The following TM4SF1 variants were observed in gnomAD, a reference collection of about 807,000 sequenced individuals.
TM4SF1 encodes the protein transmembrane 4 L six family member 1, also known as transmembrane 4 L6 family member 1.
A neutral mutation model predicts 24.5 loss-of-function variants in TM4SF1; 20 were observed. The ratio of observed to expected loss-of-function variants is 0.82; its 90% CI spans 0.57 to 1.19. The LOEUF is 1.19. TM4SF1 is among the 50% of genes most tolerant of loss of function. TM4SF1 has a pLI of 0.00. For missense variants in TM4SF1, 258 were observed against 248.1 expected, an observed-to-expected ratio of 1.04 and a Z score of -0.27; for synonymous variants, 107 against 95.4, an observed-to-expected ratio of 1.12 and a Z score of -0.71.
At position 149,377,519 on chromosome 3, in the gene TM4SF1, A is replaced by G; in HGVS notation, c.29T>C (p.Ile10Thr). 1 of 1,613,974 alleles carries G rather than the reference A, an allele frequency of 6.2e-7. No homozygotes were observed. Among genetic ancestry groups the G allele is most frequent in the African/African-American group, 1.3e-5 (1 of 75,038 alleles). Residue 10 changes from isoleucine to threonine, a missense_variant, in exon 1 of 5, where the codon ATC (isoleucine) becomes ACC (threonine). Coordinates refer to ENST00000305366, the MANE Select transcript of TM4SF1 (RefSeq NM_014220.3). ...GGCGAGCCCCACCAGAGAATGTCCG[A>G]TGCATCGTGCACACTTCCCATAGCA... is the stretch of plus-strand genomic sequence containing the variant. MCYGKCARC[I>T]GHSLVGLALL... is the part of the protein sequence containing the mutation.
Position 149,377,628 on chromosome 3 carries a change from G to C in TM4SF1, c.-81C>G. 6.5e-7 allele frequency: 1 copy of C among 1,527,830 alleles called. No homozygotes were observed. Among genetic ancestry groups the C allele is most frequent in the Non-Finnish European group, 8.8e-7 (1 of 1,138,288 alleles). 94.6% of individuals were successfully genotyped at this position (1,527,830 alleles called of 1,614,324 possible). A position where few individuals can be genotyped will look rare whatever the true frequency, so the allele number is the denominator to read the frequency against. On this transcript the variant is annotated 5_prime_UTR_variant, in exon 1 of 5. Coordinates refer to ENST00000305366, the MANE Select transcript of TM4SF1 (RefSeq NM_014220.3). ...AAATTAGATGAAAGTGTGCCCTTCT[G>C]GTGGAGAAAGCAAACACCACTCTCA...
At chr3:149,377,121 A>C (rs1332160533) in intron 1 of TM4SF1, among the ~76,000 whole-genome samples, 1 of 152,196 alleles carries the variant, frequency 6.6e-6, no homozygotes, top group East Asian at 1.9e-4. Context: ...TCTGTTTCCT[A>C]CCTATAGAGT....
At chr3:149,374,522 A>C (rs1248173522) in intron 3 of TM4SF1, among the ~76,000 whole-genome samples, 1 of 152,324 alleles carries the variant, frequency 6.6e-6, no homozygotes, top group East Asian at 1.9e-4. Context: ...CACCACATAC[A>C]TCCGTTTCTA....
chr3:149,371,487 A>G, intron 4 of TM4SF1, 200 bp downstream of exon 4: 1 of 633,814 alleles, frequency 1.6e-6, no homozygotes, highest in Non-Finnish European at 2.8e-6. Flanking sequence ...CAAAGAACTA[A>G]GACAATCCTG....
chr3:149,376,108 A>G (rs1011059962), intron 1 of TM4SF1, among the ~76,000 whole-genome samples: 1 of 152,228 alleles, frequency 6.6e-6, no homozygotes, highest in Non-Finnish European at 1.5e-5. Context: ...CTTTCTTTAA[A>G]TCTGATTTTT....
chr3:149,372,200 T>A (rs1005791379), intron 3 of TM4SF1, among the ~76,000 whole-genome samples: 1 of 152,224 alleles, frequency 6.6e-6, no homozygotes, highest in Non-Finnish European at 1.5e-5. Context: ...ATTTGTGCTG[T>A]GTTTAAAGCT....
rs749222208 is a variant in TM4SF1 at position 149,377,415 on chromosome 3, G to A, written c.133C>T (p.Arg45Cys). 2.1e-5 allele frequency: 34 copies of A among 1,614,042 alleles called. No homozygotes were observed. Among genetic ancestry groups the A allele is most frequent in the Admixed American group, 6.7e-5 (4 of 59,996 alleles). Residue 45 changes from arginine (R) to cysteine (C), a missense_variant, in exon 1 of 5, where the codon CGC becomes TGC. By Grantham distance (180) the Arg-to-Cys change is radical. Coordinates refer to ENST00000305366, the MANE Select transcript of TM4SF1 (RefSeq NM_014220.3). ...TKYASENHLS[R>C]FVWFFSGIVG... ...ATGCCAGAAAAGAACCACACGAAGCGGCTGAGGTGGTTTTCGGAGGCATAC... is the reference window on the plus strand; with the variant it reads ...ATGCCAGAAAAGAACCACACGAAGCAGCTGAGGTGGTTTTCGGAGGCATAC...
chr3:149,370,117 C>A, intron 4 of TM4SF1: 1 of 439,654 alleles, frequency 2.3e-6, no homozygotes, highest in South Asian at 3.1e-5. Context: ...CTGCAGGATA[C>A]TGATATTGGG....
intron 3 of TM4SF1, among the ~76,000 whole-genome samples, chr3:149,372,580 G>A (rs1731850627): frequency 6.6e-6 from 1 of 152,146 alleles, no homozygotes; most frequent in South Asian, 2.1e-4. Context: ...AAATTAATTT[G>A]CAACAGGAAG....
Position 149,371,667 on chromosome 3 carries a change from A to T in TM4SF1, c.594+20T>A. ...ATTAACACCAGGGCCAGACTACGACATTTTCATGCAGGTTCTTACCTGTTG... is the reference window on the plus strand; with the variant it reads ...ATTAACACCAGGGCCAGACTACGACTTTTTCATGCAGGTTCTTACCTGTTG... On this transcript the variant is annotated intron_variant, in intron 4 of 4. Coordinates refer to ENST00000305366, the MANE Select transcript of TM4SF1 (RefSeq NM_014220.3). 6.2e-7 allele frequency: 1 copy of T among 1,614,100 alleles called. No homozygotes were observed. Among genetic ancestry groups the T allele is most frequent in the Non-Finnish European group, 8.5e-7 (1 of 1,179,958 alleles).
At chr3:149,374,330 T>C (rs1392944021) in intron 3 of TM4SF1, among the ~76,000 whole-genome samples, 1 of 152,222 alleles carries the variant, frequency 6.6e-6, no homozygotes, top group Non-Finnish European at 1.5e-5. Context: ...GATTCATATA[T>C]CCTCACTACA....
At position 149,369,714 on chromosome 3, in the gene TM4SF1, C is replaced by A. The variant is rs1731774002; in HGVS notation, c.*152G>T. On this transcript the variant is annotated 3_prime_UTR_variant, in exon 5 of 5. Coordinates refer to ENST00000305366, the MANE Select transcript of TM4SF1 (RefSeq NM_014220.3). ...GTTTACTAAATTTAAACACTGACATCCTGTGAAGATGCCAGTCTTTACAGG... is the reference window on the plus strand; with the variant it reads ...GTTTACTAAATTTAAACACTGACATACTGTGAAGATGCCAGTCTTTACAGG... 1.2e-6 allele frequency: 1 copy of A among 861,886 alleles called. No homozygotes were observed. Among genetic ancestry groups the A allele is most frequent in the Non-Finnish European group, 1.8e-6 (1 of 557,546 alleles). The allele number at this position is 861,886 out of a possible 1,614,324, so 53.4% of individuals were successfully genotyped here.
At chr3:149,374,453 G>A (rs1373732921) in intron 3 of TM4SF1, among the ~76,000 whole-genome samples, 1 of 152,170 alleles carries the variant, frequency 6.6e-6, no homozygotes, top group African/African-American at 2.4e-5. Context: ...AGAAAGTTGA[G>A]TAGGGAAAAG....
At chr3:149,371,978 T>C in intron 3 of TM4SF1, 111 bp from the exon 4 acceptor site, 1 of 1,051,846 alleles carries the variant, frequency 9.5e-7, no homozygotes, top group Non-Finnish European at 1.4e-6. Flanking sequence ...AATTATTCAA[T>C]ATCCTGTGTA....
In TM4SF1 at chr3:149,375,662, C is replaced by T. The variant is rs1560003465; in HGVS notation, c.267+18G>A. ...ACATCTTAGGAGTCATTTTCACCAC[C>T]AGGGCAGGAGGACCTACCGCACATC... On this transcript the variant is annotated intron_variant, in intron 2 of 4. Coordinates refer to ENST00000305366, the MANE Select transcript of TM4SF1 (RefSeq NM_014220.3). The T allele has an allele frequency of 1.9e-6, 3 of 1,614,058 alleles. No individual in the cohort carries two copies. The highest frequency in any genetic ancestry group is 1.7e-6 in the Non-Finnish European group (2 of 1,180,020).
At chr3:149,376,122 A>G (rs1029099966) in intron 1 of TM4SF1, among the ~76,000 whole-genome samples, 1 of 152,210 alleles carries the variant, frequency 6.6e-6, no homozygotes, top group African/African-American at 2.4e-5. Flanking sequence ...GATTTTTTCC[A>G]CTTGTAAAAT....
At chr3:149,375,142 C>T (rs1005109547) in intron 3 of TM4SF1, among the ~76,000 whole-genome samples, 1 of 152,046 alleles carries the variant, frequency 6.6e-6, no homozygotes, top group Non-Finnish European at 1.5e-5. Flanking sequence ...GAGTTAGAGG[C>T]TGCAGTAAGC....
intron 3 of TM4SF1, among the ~76,000 whole-genome samples, chr3:149,373,883 TGAC>T (rs1731890377): frequency 6.6e-6 from 1 of 152,244 alleles, no homozygotes; most frequent in African/African-American, 2.4e-5. Flanking sequence ...GCATAAGTCA[TGAC>T]TTTTCTTAGA....
At chr3:149,374,118 C>CAT (rs879780027) in intron 3 of TM4SF1, among the ~76,000 whole-genome samples, 26,036 of 152,106 alleles carry the variant, frequency 0.17, 2,557 homozygotes, top group East Asian at 0.38. Flanking sequence ...GTGGCAGTTG[C>CAT]ACACAATGTG....
Sources: gnomAD v4.1 joint callset for allele counts (sites outside exome capture counted in the v4.1 genomes callset) on GRCh38, gnomAD v4.1.1 for gene constraint, MANE v1.5 for transcripts, NCBI Gene and HGNC (gene_info 2026-07-23, HGNC 2026-07-21) for gene names.